The following HDAC9 variants were observed in gnomAD, a reference collection of about 807,000 sequenced individuals.
HDAC9 encodes the protein MEF-2 interacting transcription repressor (MITR) protein.
HDAC9 carries 41 observed loss-of-function variants against 139.4 expected under a neutral mutation model. The observed-to-expected ratio is 0.29, with a 90% CI of 0.23 to 0.38. The LOEUF (loss-of-function observed/expected upper bound fraction) is 0.38. HDAC9 is among the 10% of genes least tolerant of loss of function. The pLI is 1.00. For missense variants in HDAC9, 1,147 were observed against 1,297.0 expected, an observed-to-expected ratio of 0.88 and a Z score of 1.78; for synonymous variants, 517 against 476.2, an observed-to-expected ratio of 1.09 and a Z score of -1.12.
chr7:18,859,811 C>T (rs1241414203), intron 21 of HDAC9, among the ~76,000 whole-genome samples: 8 of 44,848 alleles, frequency 1.8e-4, no homozygotes, highest in East Asian at 4.6e-4. Context: ...CTAACGCTCT[C>T]ATATATATAT....
At chr7:18,532,969 C>G (rs1418950055) in intron 2 of HDAC9, among the ~76,000 whole-genome samples, 1 of 152,096 alleles carries the variant, frequency 6.6e-6, no homozygotes, top group Non-Finnish European at 1.5e-5. Flanking sequence ...CAGGAGTGTG[C>G]TTGTGTGTGT....
chr7:18,122,187 G>T lies in HDAC9; in HGVS notation c.-97+34974G>T, dbSNP rs184171247. ...AATTCATTTTCACAAGCAGTTGAAA[G>T]ATTGTGGTGGAATTGACTTTCTTTA... On this transcript the variant is annotated intron_variant, in intron 1 of 12. Coordinates refer to the HDAC9 transcript ENST00000417496. 2.3e-3 allele frequency among the ~76,000 whole-genome samples: 358 copies of T among 152,346 alleles called. 2 individuals are homozygous for T. The highest frequency in any genetic ancestry group is 7.9e-3 in the African/African-American group (328 of 41,584).
intron 8 of HDAC9, among the ~76,000 whole-genome samples, chr7:18,636,474 CAAACAAA>C (rs1302376897): frequency 3.3e-5 from 5 of 151,986 alleles, no homozygotes; most frequent in Admixed American, 2.6e-4. Context: ...CTGCACAAAG[CAAACAAA>C]AACTCCCCTG....
chr7:18,480,698 T>C (rs927687272), intron 1 of HDAC9, among the ~76,000 whole-genome samples: 4 of 152,146 alleles, frequency 2.6e-5, no homozygotes, highest in African/African-American at 9.7e-5. Context: ...ATAACAAAAA[T>C]TAAATGTGAT....
At chr7:18,619,353 G>C (rs1166534053) in intron 6 of HDAC9, among the ~76,000 whole-genome samples, 2 of 152,116 alleles carry the variant, frequency 1.3e-5, no homozygotes, top group Non-Finnish European at 2.9e-5. Flanking sequence ...TTCATGCTTG[G>C]ATGTATACAG....
chr7:18,794,969 T>G (rs894071135), intron 17 of HDAC9, among the ~76,000 whole-genome samples: 1 of 152,200 alleles, frequency 6.6e-6, no homozygotes, highest in African/African-American at 2.4e-5. Flanking sequence ...TCAAGTAGAA[T>G]GCCCACGTGT....
rs137922927 is a variant in HDAC9, at chr7:18,732,574, C to CTT, written c.1909+4817_1909+4818insTT. ...GTATATACACACGTGTATATATGTG[C>CTT]ATGTGTATATACACACACGTGTATA... On this transcript the variant is annotated intron_variant, in intron 13 of 25. Coordinates refer to ENST00000686413, the MANE Select transcript of HDAC9 (RefSeq NM_178425.4). Among the ~76,000 whole-genome samples, 8 of 98,228 alleles carry CTT rather than the reference C, an allele frequency of 8.1e-5. No homozygotes were observed. The South Asian group carries it at 2.4e-3, about 29-fold the overall frequency. 64.4% of individuals were successfully genotyped at this position (98,228 alleles called of 152,430 possible).
intron 2 of HDAC9, among the ~76,000 whole-genome samples, chr7:18,546,396 A>G (rs1415792548): frequency 6.6e-6 from 1 of 152,144 alleles, no homozygotes; most frequent in African/African-American, 2.4e-5. Flanking sequence ...TCACCTGTAA[A>G]CTCGGAATAC....
chr7:18,476,544 T>A (rs1795124375), intron 1 of HDAC9, among the ~76,000 whole-genome samples: 1 of 151,860 alleles, frequency 6.6e-6, no homozygotes. Flanking sequence ...GCCTCAGATG[T>A]GACCCCAAAC....
At chr7:18,131,415 A>G (rs1320500699) in intron 1 of HDAC9, among the ~76,000 whole-genome samples, 1 of 152,200 alleles carries the variant, frequency 6.6e-6, no homozygotes, top group Non-Finnish European at 1.5e-5. Context: ...CGAGTTTAGT[A>G]GCACTAATCA....
intron 22 of HDAC9, among the ~76,000 whole-genome samples, chr7:18,923,540 C>G (rs1455009476): frequency 6.6e-6 from 1 of 152,062 alleles, no homozygotes; most frequent in Non-Finnish European, 1.5e-5. Flanking sequence ...CTGAATCTGT[C>G]CTCTGCTTAC....
chr7:18,600,443 T>C (rs1253526625), intron 6 of HDAC9, among the ~76,000 whole-genome samples: 18 of 152,222 alleles, frequency 1.2e-4, no homozygotes, highest in Admixed American at 1.2e-3. Context: ...ATAATTCGTT[T>C]TGAGAAACTT....
rs560647619 is a variant in HDAC9 at position 18,794,792 on chromosome 7, A to G, written c.2322+1340A>G. On this transcript the variant is annotated intron_variant, in intron 17 of 25. Coordinates refer to ENST00000686413, the MANE Select transcript of HDAC9 (RefSeq NM_178425.4). ...CTTTAAAATAAAATTTGAACATCTT[A>G]TTTTAAAAAGAATCCAAATGGCAGA... is the stretch of plus-strand genomic sequence containing the variant. Among the ~76,000 whole-genome samples the G allele has an allele frequency of 6.6e-5, 10 of 152,346 alleles. 1 individual carries two copies. In the South Asian group the frequency reaches 1.4e-3, roughly 22 times the overall value.
intron 25 of HDAC9, among the ~76,000 whole-genome samples, chr7:18,981,547 C>T (rs2158496): frequency 0.12 from 18,961 of 152,124 alleles, 1,261 homozygotes; most frequent in Middle Eastern, 0.18. Flanking sequence ...AATTGGTTTC[C>T]TTGCCTTTTC....
intron 2 of HDAC9, among the ~76,000 whole-genome samples, chr7:18,528,114 A>G (rs2128229040): frequency 6.6e-6 from 1 of 152,206 alleles, no homozygotes; most frequent in African/African-American, 2.4e-5. Flanking sequence ...AGGCTGAGCA[A>G]TAAAGCAAGA....
At chr7:18,798,331 T>C (rs941438878) in intron 17 of HDAC9, among the ~76,000 whole-genome samples, 2 of 152,202 alleles carry the variant, frequency 1.3e-5, no homozygotes, top group Admixed American at 6.5e-5. Context: ...GATGAAATTT[T>C]TCAAAACTCA....
At chr7:18,195,067 C>T (rs1439156151) in intron 2 of HDAC9, among the ~76,000 whole-genome samples, 2 of 152,044 alleles carry the variant, frequency 1.3e-5, no homozygotes, top group Non-Finnish European at 2.9e-5. Context: ...TGCCACTGGT[C>T]ACAAACGCTG....
intron 2 of HDAC9, among the ~76,000 whole-genome samples, chr7:18,164,372 A>C (rs181654102): frequency 6.6e-6 from 1 of 152,268 alleles, no homozygotes; most frequent in East Asian, 1.9e-4. Flanking sequence ...AAATAACCTG[A>C]TTGTTTGATT....
At chr7:18,091,585 C>G (rs901187739) in intron 1 of HDAC9, among the ~76,000 whole-genome samples, 1 of 152,186 alleles carries the variant, frequency 6.6e-6, no homozygotes, top group African/African-American at 2.4e-5. Context: ...ACTTTGTTTT[C>G]TCTTGCTGTG....
Sources: allele counts gnomAD v4.1 joint callset (sites outside exome capture counted in the v4.1 genomes callset), GRCh38; gene constraint gnomAD v4.1.1; transcripts MANE v1.5; gene names NCBI Gene and HGNC (gene_info 2026-07-23, HGNC 2026-07-21).